SPMIP4: variants seen among roughly 807,000 people sequenced by gnomAD.
The protein encoded by SPMIP4 is sperm-associated microtubule inner protein 4.
the SPMIP4 span, among the ~76,000 whole-genome samples, chr7:25,152,717 T>C: frequency 6.6e-6 from 1 of 150,470 alleles, no homozygotes; most frequent in Non-Finnish European, 1.5e-5. Context: ...CTCTTCCTTT[T>C]CCTCCCTCCC....
chr7:25,155,438 T>C, the SPMIP4 span, among the ~76,000 whole-genome samples: 2 of 152,186 alleles, frequency 1.3e-5, no homozygotes, highest in South Asian at 4.1e-4. Flanking sequence ...TTAAAATAAA[T>C]CATGCCCAAT....
At chr7:25,168,203 G>T in the SPMIP4 span, 1 of 1,176,908 alleles carries the variant, frequency 8.5e-7, no homozygotes, top group Non-Finnish European at 1.2e-6. Flanking sequence ...TTTGAAGACA[G>T]ATTTAAGCAA....
the SPMIP4 span, among the ~76,000 whole-genome samples, chr7:25,132,504 G>A: frequency 1.3e-5 from 2 of 152,206 alleles, no homozygotes; most frequent in Non-Finnish European, 2.9e-5. The surrounding 1 kb of genome is among the most constrained non-coding windows in gnomAD (Gnocchi z 5.0). Context: ...GTTGTAAAAT[G>A]ATACATTTTG....
At chr7:25,179,870 C>G in the SPMIP4 span, 2 of 152,540 alleles carry the variant, frequency 1.3e-5, no homozygotes, top group Non-Finnish European at 2.9e-5. Flanking sequence ...TGGGGGAAGG[C>G]CAGGAGCCGG....
At chr7:25,170,220 A>T in the SPMIP4 span, among the ~76,000 whole-genome samples, 2 of 152,180 alleles carry the variant, frequency 1.3e-5, no homozygotes, top group South Asian at 2.1e-4. Context: ...GTTAAAATTT[A>T]AAAAAATTAT....
the SPMIP4 span, chr7:25,136,905 AG>A: frequency 9.8e-7 from 1 of 1,024,698 alleles, no homozygotes; most frequent in African/African-American, 1.6e-5. This position sits in a 1 kb window ranked among gnomAD's most constrained non-coding sequence, Gnocchi z 5.7. Flanking sequence ...TGGGCATAGG[AG>A]TGTACATTGC....
the SPMIP4 span, chr7:25,142,146 T>C: frequency 3.7e-6 from 3 of 802,748 alleles, no homozygotes; most frequent in Non-Finnish European, 6.2e-6. Flanking sequence ...ATTTGCTAAC[T>C]TGGTTGCTAA....
the SPMIP4 span, among the ~76,000 whole-genome samples, chr7:25,145,987 T>C: frequency 6.6e-6 from 1 of 151,940 alleles, no homozygotes; most frequent in Non-Finnish European, 1.5e-5. Context: ...ATAGGGGAGG[T>C]TAAAAGGTTT....
the SPMIP4 span, among the ~76,000 whole-genome samples, chr7:25,148,592 G>A: frequency 2.7e-5 from 4 of 148,578 alleles, no homozygotes; most frequent in Admixed American, 6.8e-5. Flanking sequence ...CTCCTGCCTC[G>A]GCCTCCTGAG....
the SPMIP4 span, among the ~76,000 whole-genome samples, chr7:25,150,681 T>C: frequency 2.6e-5 from 4 of 152,228 alleles, no homozygotes; most frequent in Non-Finnish European, 4.4e-5. Context: ...TTTTTATCCA[T>C]GTGGAGTTAT....
chr7:25,147,119 A>C, the SPMIP4 span, among the ~76,000 whole-genome samples: 1 of 152,050 alleles, frequency 6.6e-6, no homozygotes. Flanking sequence ...AACAGGGTGA[A>C]CCCATCTCTA....
chr7:25,168,371 C>T, the SPMIP4 span: 1 of 1,613,490 alleles, frequency 6.2e-7, no homozygotes, highest in African/African-American at 1.3e-5. Flanking sequence ...GGCCTGTGGT[C>T]CTCGGGGAGT....
the SPMIP4 span, among the ~76,000 whole-genome samples, chr7:25,154,455 T>C: frequency 3.9e-5 from 6 of 152,326 alleles, no homozygotes; most frequent in African/African-American, 1.4e-4. Context: ...CGATGACTAG[T>C]GTACGGGATT....
the SPMIP4 span, among the ~76,000 whole-genome samples, chr7:25,129,253 G>A: frequency 6.6e-6 from 1 of 152,162 alleles, no homozygotes; most frequent in Non-Finnish European, 1.5e-5. Context: ...AGTTTATTTG[G>A]GACCCCCCCA....
chr7:25,164,361 G>A, the SPMIP4 span, among the ~76,000 whole-genome samples: 1 of 152,192 alleles, frequency 6.6e-6, no homozygotes, highest in Admixed American at 6.5e-5. Context: ...TGAATATCAA[G>A]GGCCAGAGGA....
the SPMIP4 span, among the ~76,000 whole-genome samples, chr7:25,137,839 T>G: frequency 6.6e-6 from 1 of 152,130 alleles, no homozygotes; most frequent in Admixed American, 6.5e-5. Context: ...TGCTACAACT[T>G]CAACAAAAGA....
the SPMIP4 span, chr7:25,142,918 G>T: frequency 1.3e-6 from 1 of 795,134 alleles, no homozygotes; most frequent in Non-Finnish European, 1.9e-6. Flanking sequence ...CCAGGCTGAC[G>T]TCAGAATGGT....
At chr7:25,168,963 G>A in the SPMIP4 span, among the ~76,000 whole-genome samples, 1 of 151,660 alleles carries the variant, frequency 6.6e-6, no homozygotes, top group Non-Finnish European at 1.5e-5. Context: ...CTGACCTCAG[G>A]TGATCCACCC....
the SPMIP4 span, among the ~76,000 whole-genome samples, chr7:25,128,401 C>T: frequency 6.6e-6 from 1 of 152,160 alleles, no homozygotes; most frequent in Non-Finnish European, 1.5e-5. The surrounding 1 kb of genome is among the most constrained non-coding windows in gnomAD (Gnocchi z 4.5). Context: ...TGACCTGGCA[C>T]CCAAACCACA....
Sources: gnomAD v4.1 joint callset for allele counts (sites outside exome capture counted in the v4.1 genomes callset) on GRCh38, gnomAD v4.1.1 for gene constraint, Gnocchi (gnomAD v3.1) non-coding constraint, MANE v1.5 for transcripts, NCBI Gene and HGNC (gene_info 2026-07-23, HGNC 2026-07-21) for gene names.